The following LIPJ variants were observed in gnomAD, a reference collection of about 807,000 sequenced individuals.
LIPJ encodes lipase family member J.
A neutral mutation model predicts 39.8 loss-of-function variants in LIPJ; 33 were observed. That is an observed-to-expected ratio of 0.83 (90% confidence interval 0.63 to 1.11). The LOEUF (loss-of-function observed/expected upper bound fraction) is 1.11, where lower values mean the gene tolerates loss of function less well. Ranked by LOEUF, LIPJ falls within the 50% of genes least tolerant of loss-of-function variation. The pLI is 0.00. For missense variants in LIPJ, 422 were observed against 427.9 expected, an observed-to-expected ratio of 0.99 and a Z score of 0.12; for synonymous variants, 128 against 139.2, an observed-to-expected ratio of 0.92 and a Z score of 0.57.
chr10:88,605,736 T>C (rs761392082), intron 10 of LIPJ, 32 bp downstream of exon 10: 3 of 1,423,332 alleles, frequency 2.1e-6, no homozygotes, highest in Middle Eastern at 1.8e-4. Context: ...CTCTCTACCT[T>C]ACTGACTTTT....
chr10:88,589,348 A>G (rs1851008673), intron 2 of LIPJ, among the ~76,000 whole-genome samples: 1 of 151,912 alleles, frequency 6.6e-6, no homozygotes, highest in African/African-American at 2.4e-5. Context: ...CCAAAGAGGA[A>G]TATCTAAATG....
rs1851168841 is a variant in LIPJ, at chr10:88,593,993, AGC to A, written c.179_180del (p.Ser60LysfsTer10). On this transcript the variant is annotated frameshift_variant, in exon 5 of 11. Coordinates refer to ENST00000371939, the Ensembl canonical transcript of LIPJ. LOFTEE classifies it high-confidence loss of function. ...GCAACATGGTTTGCTTACATCTGCCAGCAGCTGGATTTCCAATCTTCCCAACA... is the reference window on the plus strand; with the variant it reads ...GCAACATGGTTTGCTTACATCTGCCAAGCTGGATTTCCAATCTTCCCAACA... 1 of 1,612,258 alleles carries A rather than the reference AGC, an allele frequency of 6.2e-7. No individual in the cohort carries two copies. The highest frequency in any genetic ancestry group is 8.5e-7 in the Non-Finnish European group (1 of 1,178,844).
intron 9 of LIPJ, among the ~76,000 whole-genome samples, chr10:88,603,056 C>T (rs1851548929): frequency 6.6e-6 from 1 of 152,126 alleles, no homozygotes; most frequent in Admixed American, 6.5e-5. Context: ...TGTACTGCTG[C>T]ACTCCAGCCT....
chr10:88,615,408 C>T, the LIPJ span, among the ~76,000 whole-genome samples: 2 of 151,942 alleles, frequency 1.3e-5, no homozygotes, highest in Non-Finnish European at 2.9e-5. Context: ...AAAAAATTAG[C>T]CAGACGTGGT....
upstream of LIPJ, chr10:88,583,271 G>T (rs934387640): frequency 1.9e-6 from 3 of 1,573,496 alleles, no homozygotes; most frequent in African/African-American, 4.1e-5. Flanking sequence ...CGGCCGAACC[G>T]GCGCTAGCGC....
chr10:88,594,008 AATCT>A lies in LIPJ; in HGVS notation c.194_197del (p.Asn65IlefsTer34). The A allele has an allele frequency of 1.9e-6, 3 of 1,612,322 alleles. No homozygotes were observed. Among genetic ancestry groups the A allele is most frequent in the Non-Finnish European group, 2.5e-6 (3 of 1,178,842 alleles). The stretch of plus-strand genomic sequence containing the variant: ...TACATCTGCCAGCAGCTGGATTTCC[AATCT>A]TCCCAACAATAGTCTGGGCTTCATT... On this transcript the variant is annotated frameshift_variant, in exon 5 of 11. Coordinates refer to ENST00000371939, the Ensembl canonical transcript of LIPJ. LOFTEE classifies it high-confidence loss of function.
At chr10:88,587,244 T>TC (rs1850941018) in intron 1 of LIPJ, 22 bp from the exon 2 acceptor site, 1 of 152,006 alleles carries the variant, frequency 6.6e-6, no homozygotes, top group Non-Finnish European at 1.5e-5. Context: ...CTAAATGTTC[T>TC]CTTTTTATTT....
exon 4 of LIPJ, chr10:88,591,459 A>G (rs1851077988): frequency 6.2e-7 from 1 of 1,602,622 alleles, no homozygotes; most frequent in Non-Finnish European, 8.5e-7. Flanking sequence ...TGGCCTTTAT[A>G]GAATTCCTTA....
intron 7 of LIPJ, 40 bp from the exon 8 acceptor site, chr10:88,596,750 G>T (rs897357444): frequency 6.6e-7 from 1 of 1,518,768 alleles, no homozygotes; most frequent in South Asian, 1.2e-5. Flanking sequence ...AGCACTTATT[G>T]TGGTCATCCA....
At chr10:88,605,152 G>A (rs1851618467) in intron 9 of LIPJ, among the ~76,000 whole-genome samples, 1 of 152,164 alleles carries the variant, frequency 6.6e-6, no homozygotes, top group African/African-American at 2.4e-5. Flanking sequence ...GAAATGTCAA[G>A]GTCATAAGTA....
At chr10:88,599,541 A>T (rs1054557749) in intron 8 of LIPJ, among the ~76,000 whole-genome samples, 1 of 151,708 alleles carries the variant, frequency 6.6e-6, no homozygotes, top group African/African-American at 2.4e-5. Context: ...GTCTTTCTCT[A>T]TTTGGCTTAT....
intron 8 of LIPJ, among the ~76,000 whole-genome samples, chr10:88,599,641 G>A (rs1467134062): frequency 1.3e-5 from 2 of 151,164 alleles, no homozygotes; most frequent in African/African-American, 2.4e-5. Context: ...TCCACAGTGT[G>A]TATGTATGTA....
At chr10:88,595,405 G>C (rs968210411) in intron 6 of LIPJ, among the ~76,000 whole-genome samples, 1 of 151,666 alleles carries the variant, frequency 6.6e-6, no homozygotes, top group Non-Finnish European at 1.5e-5. Context: ...CTAATATTAA[G>C]TAAGTCATTT....
At chr10:88,623,117 T>G in the LIPJ span, among the ~76,000 whole-genome samples, 1 of 152,210 alleles carries the variant, frequency 6.6e-6, no homozygotes, top group Non-Finnish European at 1.5e-5. Flanking sequence ...TAAAGCAATC[T>G]GTATGTTTTC....
At chr10:88,589,219 T>C (rs913199776) in intron 2 of LIPJ, among the ~76,000 whole-genome samples, 4 of 151,850 alleles carry the variant, frequency 2.6e-5, no homozygotes, top group Non-Finnish European at 5.9e-5. Context: ...GTTAATACAT[T>C]GTACAGACAG....
chr10:88,600,112 T>C (rs536257236), intron 8 of LIPJ, among the ~76,000 whole-genome samples: 1 of 152,152 alleles, frequency 6.6e-6, no homozygotes, highest in Non-Finnish European at 1.5e-5. Context: ...ATTACTTATG[T>C]TAAGTTTGTG....
chr10:88,619,453 C>CCACACACACA, the LIPJ span, among the ~76,000 whole-genome samples: 297 of 147,016 alleles, frequency 2.0e-3, 5 homozygotes, highest in East Asian at 0.016. Context: ...CCCCCTCTTG[C>CCACACACACA]CACACACACA....
downstream of LIPJ, chr10:88,607,010 A>G (rs1207157292): frequency 4.7e-6 from 6 of 1,287,984 alleles, no homozygotes; most frequent in East Asian, 1.6e-4. Context: ...AAAACTAAAT[A>G]TGTAGTTTTT....
At chr10:88,612,351 C>T in the LIPJ span, among the ~76,000 whole-genome samples, 1 of 152,050 alleles carries the variant, frequency 6.6e-6, no homozygotes, top group Admixed American at 6.6e-5. Flanking sequence ...AATAATAACA[C>T]AATGAATAAA....
Sources: gnomAD v4.1 joint callset for allele counts (sites outside exome capture counted in the v4.1 genomes callset) on GRCh38, gnomAD v4.1.1 for gene constraint, MANE v1.5 for transcripts, NCBI Gene and HGNC (gene_info 2026-07-23, HGNC 2026-07-21) for gene names.